The following ZNF182 variants were observed in gnomAD, a reference collection of about 807,000 sequenced individuals.
ZNF182 encodes the protein zinc finger protein 182.
In ZNF182, 10 loss-of-function variants were observed where a neutral mutation model predicts 28.1. That is an observed-to-expected ratio of 0.36 (90% CI 0.22 to 0.60). The LOEUF is 0.60. Ranked by LOEUF, ZNF182 falls within the 20% of genes least tolerant of loss-of-function variation. ZNF182 has a pLI of 0.75. For synonymous variants in ZNF182, 156 were observed against 158.7 expected (o/e 0.98, Z 0.13); for missense variants, 352 against 453.2 (o/e 0.78, Z 2.03).
intron 3 of ZNF182, among the ~76,000 whole-genome samples, chrX:47,984,891 C>T (rs1322233170): frequency 8.9e-6 from 1 of 111,800 alleles, no homozygotes; most frequent in African/African-American, 3.3e-5. Context: ...TGCTCAACAT[C>T]ATTAGGCATG....
Position 47,976,513 on chromosome X carries a change from T to C in ZNF182, c.1517A>G (p.Glu506Gly). Residue 506 changes from glutamate (E) to glycine (G), a missense_variant, in exon 6 of 6, where the codon GAA becomes GGA. Coordinates refer to ENST00000376943, the MANE Select transcript of ZNF182 (RefSeq NM_001007088.2). ...KCNECGKAFREKSKLIIHQRI... is the reference protein window; with the variant it reads ...KCNECGKAFRGKSKLIIHQRI... ...CTGATGTATAATGAGCTTTGACTTT[T>C]CTCTGAAGGCTTTGCCACATTCATT... The C allele has an allele frequency of 2.5e-6, 3 of 1,209,528 alleles. No homozygotes were observed. The highest frequency in any genetic ancestry group is 3.4e-6 in the Non-Finnish European group (3 of 894,607).
At chrX:47,985,486 G>A (rs1004448272) in intron 3 of ZNF182, among the ~76,000 whole-genome samples, 1 of 111,596 alleles carries the variant, frequency 9.0e-6, no homozygotes, top group African/African-American at 3.3e-5. Context: ...TGCTGGGAGG[G>A]TGACATGAAA....
At chrX:47,983,212 C>CT in intron 4 of ZNF182, 73 bp downstream of exon 4, 1 of 1,187,356 alleles carries the variant, frequency 8.4e-7, no homozygotes, top group Non-Finnish European at 1.1e-6. Context: ...AAAGAGGGAA[C>CT]TGAGAAAGGA....
rs146599865 is a variant in ZNF182, at chrX:47,977,466, G to A, written c.564C>T (p.Gly188=). 1.7e-6 allele frequency: 2 copies of A among 1,211,625 alleles called. No homozygotes were observed. Among genetic ancestry groups the A allele is most frequent in the Non-Finnish European group, 2.2e-6 (2 of 895,449 alleles). ...TAAGACCTTTCCCACACTCTTTATA[G>A]CCATAGGGCTTCATTCCAGGATTTG... is the stretch of plus-strand genomic sequence containing the variant. The part of the protein sequence containing the change: ...EKTNPGMKPY[G]YKECGKGLRR... Residue 188 remains glycine (G), a synonymous_variant, in exon 6 of 6, where the codon GGC becomes GGT. Coordinates refer to ENST00000376943, the MANE Select transcript of ZNF182 (RefSeq NM_001007088.2).
rs1556898508 is a variant in ZNF182, at chrX:47,977,655, AAGT to A, written c.372_374del (p.Leu125del). On this transcript the variant is annotated inframe_deletion, in exon 6 of 6. Transcript: ENST00000376943. ...AAGCAACAAGGTTTGTACTCAGATG[AAGT>A]ATGTTTCCAAACTCATGACAGTCAC... The A allele has an allele frequency of 8.3e-7, 1 of 1,211,267 alleles. No homozygotes were observed. Among genetic ancestry groups the A allele is most frequent in the Admixed American group, 2.2e-5 (1 of 45,987 alleles).
intron 3 of ZNF182, among the ~76,000 whole-genome samples, chrX:47,993,715 A>C (rs1416871232): frequency 1.8e-5 from 2 of 112,381 alleles, no homozygotes; most frequent in Non-Finnish European, 3.8e-5. Flanking sequence ...GAGATTATAG[A>C]ACCAAAAAAT....
intron 3 of ZNF182, among the ~76,000 whole-genome samples, chrX:47,987,824 C>A (rs1398112891): frequency 8.9e-6 from 1 of 111,865 alleles, no homozygotes; most frequent in Non-Finnish European, 1.9e-5. Flanking sequence ...ATATAATTAT[C>A]CATTAACAGG....
At chrX:47,979,641 T>C (rs1466779575) in intron 5 of ZNF182, among the ~76,000 whole-genome samples, 1 of 111,612 alleles carries the variant, frequency 9.0e-6, no homozygotes, top group African/African-American at 3.3e-5. Flanking sequence ...ACTACTACTA[T>C]TACAACTACT....
At chrX:47,994,715 T>C (rs782696673) in intron 3 of ZNF182, among the ~76,000 whole-genome samples, 5 of 111,420 alleles carry the variant, frequency 4.5e-5, no homozygotes, top group Admixed American at 1.9e-4. Flanking sequence ...CTCTGCGCAC[T>C]GCAACCTCCG....
At chrX:47,979,732 A>C (rs1168122608) in intron 5 of ZNF182, among the ~76,000 whole-genome samples, 8 of 111,514 alleles carry the variant, frequency 7.2e-5, no homozygotes, top group African/African-American at 2.3e-4. Context: ...CTAGAATATT[A>C]AGTGAAAAAT....
At chrX:48,000,472 G>C (rs1196816302) in intron 3 of ZNF182, among the ~76,000 whole-genome samples, 1 of 110,588 alleles carries the variant, frequency 9.0e-6, no homozygotes, top group African/African-American at 3.3e-5. Context: ...TGAGGCACGA[G>C]AATCACTTGA....
intron 2 of ZNF182, 60 bp from the exon 3 acceptor site, chrX:48,002,713 A>G (rs1445952325): frequency 2.0e-5 from 20 of 1,008,206 alleles, no homozygotes; most frequent in Non-Finnish European, 2.8e-5. Flanking sequence ...TTCAGTGCCC[A>G]GAATTAGCTG....
At chrX:48,002,540 A>C (rs2058981769) in intron 3 of ZNF182, 55 bp downstream of exon 3, 1 of 1,195,881 alleles carries the variant, frequency 8.4e-7, no homozygotes, top group Non-Finnish European at 1.1e-6. Context: ...ATTTCCACAT[A>C]TTTCGTCACA....
intron 3 of ZNF182, among the ~76,000 whole-genome samples, chrX:47,999,748 T>C (rs953475037): frequency 2.0e-4 from 23 of 112,846 alleles, no homozygotes; most frequent in African/African-American, 7.1e-4. Context: ...GAGATGGATA[T>C]GCTAATTATC....
Position 47,976,578 on chromosome X carries a change from T to C in ZNF182, c.1452A>G (p.Ile484Met). 8.3e-7 allele frequency: 1 copy of C among 1,209,970 alleles called. No homozygotes were observed. The highest frequency in any genetic ancestry group is 1.1e-6 in the Non-Finnish European group (1 of 894,710). The stretch of plus-strand genomic sequence containing the variant: ...TTTCTTCTGTATGAGTTCTTTGATG[T>C]ATAATGAGATATGATTTCTGTGAAA... Reference protein sequence around the residue: ...KAFSQKSYLIIHQRTHTEEKP... With the variant: ...KAFSQKSYLIMHQRTHTEEKP... The change falls in exon 6 of 6, where the codon ATA becomes ATG. Residue 484 changes from isoleucine (I) to methionine (M), a missense_variant. Coordinates refer to ENST00000376943, the MANE Select transcript of ZNF182 (RefSeq NM_001007088.2).
chrX:47,989,351 T>C (rs112890625), intron 3 of ZNF182, among the ~76,000 whole-genome samples: 3,353 of 105,710 alleles, frequency 0.032, 85 homozygotes, highest in African/African-American at 0.074. Flanking sequence ...CTCCTGAATG[T>C]GGGAGGTGGA....
chrX:47,990,561 G>A (rs1025075810), intron 3 of ZNF182, among the ~76,000 whole-genome samples: 1 of 112,098 alleles, frequency 8.9e-6, no homozygotes, highest in Non-Finnish European at 1.9e-5. Flanking sequence ...TCAAAAATTG[G>A]TGAATCTAGA....
At chrX:47,979,529 A>G (rs1350907465) in intron 5 of ZNF182, among the ~76,000 whole-genome samples, 6 of 110,912 alleles carry the variant, frequency 5.4e-5, no homozygotes, top group African/African-American at 2.0e-4. Flanking sequence ...CCACCCATAA[A>G]GGAATTATAA....
intron 3 of ZNF182, among the ~76,000 whole-genome samples, chrX:47,998,913 C>T (rs1261756914): frequency 9.2e-6 from 1 of 108,754 alleles, no homozygotes; most frequent in African/African-American, 3.4e-5. Context: ...CCTGGGTATA[C>T]ATCCAAAGGA....
Sources: allele counts gnomAD v4.1 joint callset (sites outside exome capture counted in the v4.1 genomes callset), GRCh38; gene constraint gnomAD v4.1.1; transcripts MANE v1.5; gene names NCBI Gene and HGNC (gene_info 2026-07-23, HGNC 2026-07-21).